Variants in DENND5B observed in about 807,000 individuals in gnomAD.
DENND5B encodes the protein DENN domain containing 5B, also known as DENN domain-containing protein 5B.
A neutral mutation model predicts 140.6 loss-of-function variants in DENND5B; 34 were observed. The ratio of observed to expected loss-of-function variants is 0.24; its 90% CI spans 0.18 to 0.32. The LOEUF is 0.32. Among genes scored for constraint, DENND5B ranks in the 10% least tolerant of loss-of-function variants. The probability of loss-of-function intolerance (pLI) is 1.00; values close to 1 mark genes in which losing one functional copy is unlikely to be tolerated. For synonymous variants in DENND5B, 551 were observed against 562.1 expected (o/e 0.98, Z 0.28); for missense variants, 1,142 against 1,560.2 (o/e 0.73, Z 4.52).
chr12:31,524,042 T>C (rs1028709383), intron 1 of DENND5B, among the ~76,000 whole-genome samples: 70 of 116,652 alleles, frequency 6.0e-4, no homozygotes, highest in African/African-American at 3.0e-3. Context: ...TACTGAGCCC[T>C]TTTTTTTTTT....
intron 5 of DENND5B, among the ~76,000 whole-genome samples, chr12:31,448,831 G>C (rs943180900): frequency 1.7e-4 from 26 of 151,078 alleles, no homozygotes; most frequent in Non-Finnish European, 3.0e-5. Context: ...AAGAAACATA[G>C]TGAAACCGCA....
chr12:31,435,850 G>A (rs1943727713), intron 7 of DENND5B, among the ~76,000 whole-genome samples: 1 of 151,950 alleles, frequency 6.6e-6, no homozygotes, highest in Admixed American at 6.6e-5. Flanking sequence ...TAGTAGAGAT[G>A]GGGTTTCACC....
intron 14 of DENND5B, among the ~76,000 whole-genome samples, chr12:31,403,380 CTTTTTTTTTCT>C (rs1372642209): frequency 7.6e-6 from 1 of 131,980 alleles, no homozygotes; most frequent in Non-Finnish European, 1.8e-5. Flanking sequence ...GTCCTCCCTT[CTTTTTTTTTCT>C]TTTTTTTTTT....
intron 1 of DENND5B, among the ~76,000 whole-genome samples, chr12:31,507,104 A>G (rs1231410741): frequency 6.6e-6 from 1 of 152,176 alleles, no homozygotes; most frequent in African/African-American, 2.4e-5. Context: ...CCTGATTAGC[A>G]TAACATTCCC....
intron 17 of DENND5B, among the ~76,000 whole-genome samples, chr12:31,394,364 C>T (rs772314205): frequency 5.3e-5 from 8 of 151,694 alleles, no homozygotes; most frequent in Non-Finnish European, 1.0e-4. Flanking sequence ...AAAGAAAGTA[C>T]GATTAAAAAA....
intron 11 of DENND5B, among the ~76,000 whole-genome samples, chr12:31,416,904 C>CT (rs143301606): frequency 1.0e-4 from 14 of 136,122 alleles, no homozygotes; most frequent in South Asian, 2.4e-4. Context: ...ATATATATGT[C>CT]TTTTTTTTTT....
At chr12:31,474,480 C>T (rs554802406) in intron 3 of DENND5B, among the ~76,000 whole-genome samples, 280 of 152,244 alleles carry the variant, frequency 1.8e-3, no homozygotes, top group Middle Eastern at 3.4e-3. Context: ...GAATTTCTAG[C>T]TAGTTACCAC....
At chr12:31,577,413 C>T (rs1950050787) in intron 1 of DENND5B, among the ~76,000 whole-genome samples, 1 of 152,062 alleles carries the variant, frequency 6.6e-6, no homozygotes, top group Non-Finnish European at 1.5e-5. Context: ...AATATTTAAA[C>T]TTAAAAATAT....
At chr12:31,399,165 A>G (rs540175395) in intron 16 of DENND5B, among the ~76,000 whole-genome samples, 3 of 150,596 alleles carry the variant, frequency 2.0e-5, no homozygotes, top group Admixed American at 1.3e-4. Context: ...AGAAAAAAAA[A>G]AGTTTTTTGG....
At chr12:31,572,075 T>C (rs1395826866) in intron 1 of DENND5B, among the ~76,000 whole-genome samples, 2 of 151,922 alleles carry the variant, frequency 1.3e-5, no homozygotes, top group African/African-American at 4.8e-5. Flanking sequence ...AAATACAAAA[T>C]TAGCCAGGTG....
At chr12:31,393,992 C>T (rs567411673) in intron 17 of DENND5B, among the ~76,000 whole-genome samples, 1 of 151,760 alleles carries the variant, frequency 6.6e-6, no homozygotes, top group Non-Finnish European at 1.5e-5. Flanking sequence ...GCCCGGCTAA[C>T]GTTTCTTTCA....
rs894332498 is a variant in DENND5B at position 31,402,495 on chromosome 12, T to C, written c.2949+3A>G. 6.2e-7 allele frequency: 1 copy of C among 1,612,764 alleles called. No homozygotes were observed. Among genetic ancestry groups the C allele is most frequent in the Non-Finnish European group, 8.5e-7 (1 of 1,179,448 alleles). On this transcript the variant is annotated splice_donor_region_variant and intron_variant, in intron 15 of 20. Transcript: ENST00000389082. The stretch of plus-strand genomic sequence containing the variant: ...TTCTAGGAAAGGTATTAGCTGAACC[T>C]ACCTCAAAGGTCATTTCGAGGAGGT...
chr12:31,431,447 G>A (rs1943505807), intron 8 of DENND5B, among the ~76,000 whole-genome samples: 1 of 152,180 alleles, frequency 6.6e-6, no homozygotes, highest in African/African-American at 2.4e-5. Flanking sequence ...CTAGAAGTCA[G>A]GAGTCTTGGG....
Position 31,414,858 on chromosome 12 carries a change from G to A in DENND5B, c.2552+509C>T, listed in dbSNP as rs147121808. On this transcript the variant is annotated intron_variant, in intron 12 of 20. Coordinates refer to ENST00000389082, the MANE Select transcript of DENND5B (RefSeq NM_144973.4). The stretch of plus-strand genomic sequence containing the variant: ...AATTGCTTGAACCCGGGAGACAGAG[G>A]TTGCAGTGAGCTGAGATCACGACAC... Among the ~76,000 whole-genome samples the A allele has an allele frequency of 9.5e-3, 1,429 of 150,302 alleles. 25 individuals are homozygous for A. Among genetic ancestry groups the A allele is most frequent in the African/African-American group, 0.033 (1,354 of 40,882 alleles).
intron 7 of DENND5B, among the ~76,000 whole-genome samples, chr12:31,437,478 A>G (rs1943832007): frequency 6.6e-6 from 1 of 152,180 alleles, no homozygotes; most frequent in Non-Finnish European, 1.5e-5. Flanking sequence ...ACAGAGATGC[A>G]GTCTAACATG....
At chr12:31,394,894 G>T (rs1358037021) in intron 17 of DENND5B, among the ~76,000 whole-genome samples, 2 of 152,010 alleles carry the variant, frequency 1.3e-5, no homozygotes, top group Non-Finnish European at 2.9e-5. Context: ...TTACAGGCGT[G>T]AGCCACCGTG....
intron 11 of DENND5B, among the ~76,000 whole-genome samples, chr12:31,416,078 C>G (rs1314767806): frequency 6.6e-6 from 1 of 152,022 alleles, no homozygotes; most frequent in South Asian, 2.1e-4. Flanking sequence ...CTGAGGTGAT[C>G]CGCCTGCCTC....
intron 7 of DENND5B, 46 bp from the exon 8 acceptor site, chr12:31,433,294 T>C (rs1565573630): frequency 1.3e-6 from 2 of 1,546,064 alleles, no homozygotes; most frequent in Non-Finnish European, 8.8e-7. Flanking sequence ...ATCTTTAAAA[T>C]AGAAAGCATT....
rs191986713 is a variant in DENND5B at position 31,550,656 on chromosome 12, G to C, written c.127+40050C>G. Reference sequence around the variant, plus strand: ...AATTGCCACACTGACTTCCACAATGGTTGAACTAGTTTACAGTCCCAAGAA... The same window carrying C: ...AATTGCCACACTGACTTCCACAATGCTTGAACTAGTTTACAGTCCCAAGAA... On this transcript the variant is annotated intron_variant, in intron 1 of 20. Coordinates refer to ENST00000389082, the MANE Select transcript of DENND5B (RefSeq NM_144973.4). Among the ~76,000 whole-genome samples the C allele has an allele frequency of 1.1e-3, 167 of 152,240 alleles. 1 individual carries two copies. The highest frequency in any genetic ancestry group is 3.9e-3 in the African/African-American group (164 of 41,554).
Sources: allele counts gnomAD v4.1 joint callset (sites outside exome capture counted in the v4.1 genomes callset), GRCh38; gene constraint gnomAD v4.1.1; transcripts MANE v1.5; gene names NCBI Gene and HGNC (gene_info 2026-07-23, HGNC 2026-07-21).